WDR70: variants seen among roughly 807,000 people sequenced by gnomAD.
The protein encoded by WDR70 is WD repeat domain 70.
Under a neutral mutation model 88.6 loss-of-function variants are expected in WDR70, and 53 were observed. That is an observed-to-expected ratio of 0.60 (90% CI 0.48 to 0.75). WDR70 has a LOEUF of 0.75. WDR70 is among the 30% of genes least tolerant of loss of function. WDR70 has a pLI of 0.00. For synonymous variants in WDR70, 280 were observed against 270.0 expected (o/e 1.04, Z -0.36); for missense variants, 610 against 823.2 (o/e 0.74, Z 3.17).
At chr5:37,417,019 C>G (rs1749777295) in intron 5 of WDR70, among the ~76,000 whole-genome samples, 1 of 152,036 alleles carries the variant, frequency 6.6e-6, no homozygotes, top group Non-Finnish European at 1.5e-5. Context: ...TTGTTTCTGC[C>G]TCTGAGCAGT....
chr5:37,562,927 G>A (rs1469749685), intron 9 of WDR70, among the ~76,000 whole-genome samples: 26 of 150,754 alleles, frequency 1.7e-4, no homozygotes, highest in East Asian at 9.8e-4. Context: ...CAAAACTGCC[G>A]TTGTCATCAT....
chr5:37,697,568 C>T (rs527780117), intron 10 of WDR70, 87 bp from the exon 11 acceptor site: 40 of 1,051,322 alleles, frequency 3.8e-5, no homozygotes, highest in South Asian at 7.0e-5. Flanking sequence ...TTATTTTCAT[C>T]GTAATAAAGT....
intron 13 of WDR70, among the ~76,000 whole-genome samples, chr5:37,715,954 T>C (rs1030000999): frequency 1.3e-5 from 2 of 152,036 alleles, no homozygotes; most frequent in Non-Finnish European, 2.9e-5. Flanking sequence ...TCAAATGTGT[T>C]GGATAGTCCC....
At chr5:37,421,754 A>G (rs907888641) in intron 5 of WDR70, among the ~76,000 whole-genome samples, 2 of 152,026 alleles carry the variant, frequency 1.3e-5, no homozygotes, top group African/African-American at 4.8e-5. Context: ...CTTTGAGAAG[A>G]TGGTTCAGGT....
intron 7 of WDR70, among the ~76,000 whole-genome samples, chr5:37,457,898 T>C (rs1738894666): frequency 6.6e-6 from 1 of 151,708 alleles, no homozygotes; most frequent in South Asian, 2.1e-4. Context: ...ATCCCTGTCT[T>C]GTGCCAGTTT....
intron 13 of WDR70, among the ~76,000 whole-genome samples, chr5:37,716,569 G>A (rs570871142): frequency 1.7e-4 from 26 of 152,250 alleles, no homozygotes; most frequent in Middle Eastern, 3.4e-3. Context: ...GCTCCTCTAT[G>A]TGCGAGTTAT....
chr5:37,418,926 G>A (rs990742525), intron 5 of WDR70, among the ~76,000 whole-genome samples: 2 of 151,918 alleles, frequency 1.3e-5, no homozygotes, highest in African/African-American at 4.8e-5. Flanking sequence ...AACTCGCCTG[G>A]CTAATATTTG....
chr5:37,725,623 G>T (rs1347961530), intron 16 of WDR70, among the ~76,000 whole-genome samples: 5 of 151,930 alleles, frequency 3.3e-5, no homozygotes, highest in Admixed American at 1.3e-4. Flanking sequence ...GTTTCTATTT[G>T]GTCTGCTCCT....
chr5:37,437,817 C>T (rs1319591609), intron 5 of WDR70, 105 bp from the exon 6 acceptor site: 2 of 1,114,444 alleles, frequency 1.8e-6, no homozygotes, highest in Non-Finnish European at 2.5e-6. Flanking sequence ...TGTTTAAAAA[C>T]CAATGATGCA....
intron 12 of WDR70, among the ~76,000 whole-genome samples, chr5:37,701,827 G>A (rs1309546967): frequency 2.7e-5 from 4 of 150,828 alleles, no homozygotes; most frequent in African/African-American, 9.7e-5. Context: ...ATACCTTCAA[G>A]GCAGTTTTTA....
intron 17 of WDR70, among the ~76,000 whole-genome samples, chr5:37,746,137 C>G (rs529232564): frequency 6.6e-6 from 1 of 152,152 alleles, no homozygotes; most frequent in African/African-American, 2.4e-5. Context: ...AAAAACCACA[C>G]AATTTCATGG....
Position 37,438,509 on chromosome 5 carries a change from T to G in WDR70, c.552+528T>G, listed in dbSNP as rs188620254. Among the ~76,000 whole-genome samples the G allele has an allele frequency of 6.4e-4, 98 of 152,256 alleles. 1 individual carries two copies. The highest frequency in any genetic ancestry group is 3.5e-3 in the Admixed American group (53 of 15,296). On this transcript the variant is annotated intron_variant, in intron 6 of 17. Transcript: ENST00000265107. Reference sequence around the variant, plus strand: ...TTAAAGATGAATAATATAGAATATTTGAGATGTAAGGTGAAATCATTGTAT... The same window carrying G: ...TTAAAGATGAATAATATAGAATATTGGAGATGTAAGGTGAAATCATTGTAT...
intron 10 of WDR70, among the ~76,000 whole-genome samples, chr5:37,618,426 T>C (rs1744407682): frequency 1.3e-5 from 2 of 152,164 alleles, no homozygotes; most frequent in Non-Finnish European, 2.9e-5. Context: ...TGGAGTGCAG[T>C]GGCTCAGTTT....
intron 10 of WDR70, among the ~76,000 whole-genome samples, chr5:37,678,640 C>G (rs936179113): frequency 1.9e-4 from 29 of 152,162 alleles, no homozygotes; most frequent in African/African-American, 6.8e-4. Context: ...GGTAACCCAA[C>G]CTTTCTCTCT....
intron 9 of WDR70, among the ~76,000 whole-genome samples, chr5:37,540,653 A>G (rs1488216339): frequency 6.6e-6 from 1 of 152,190 alleles, no homozygotes; most frequent in African/African-American, 2.4e-5. Context: ...GTGCTGGGAT[A>G]ACAGGCGTGA....
At chr5:37,652,499 G>A (rs1353527406) in intron 10 of WDR70, among the ~76,000 whole-genome samples, 1 of 152,124 alleles carries the variant, frequency 6.6e-6, no homozygotes, top group Non-Finnish European at 1.5e-5. Flanking sequence ...AGCTTGATGG[G>A]GATAGCATTG....
At chr5:37,739,790 C>T (rs1748419599) in intron 17 of WDR70, among the ~76,000 whole-genome samples, 1 of 152,064 alleles carries the variant, frequency 6.6e-6, no homozygotes, top group Non-Finnish European at 1.5e-5. Flanking sequence ...GCTATCCCTC[C>T]CCCAGCCCCC....
chr5:37,563,008 T>G (rs1402472718), intron 9 of WDR70, among the ~76,000 whole-genome samples: 2 of 135,854 alleles, frequency 1.5e-5, no homozygotes, highest in African/African-American at 2.6e-5. Flanking sequence ...GGCTCCTCAC[T>G]TCCCAGTAGG....
Position 37,436,031 on chromosome 5 carries a change from A to G in WDR70, c.493-1891A>G, listed in dbSNP as rs559627925. Among the ~76,000 whole-genome samples the G allele has an allele frequency of 9.4e-4, 143 of 152,208 alleles. 2 individuals carry two copies. In the South Asian group the frequency reaches 0.02, roughly 21 times the overall value. Reference sequence around the variant, plus strand: ...ACAATGTATTATCGTAAGTTCTGTGACTGAGATAAGGAAATGCCATAGAAA... The same window carrying G: ...ACAATGTATTATCGTAAGTTCTGTGGCTGAGATAAGGAAATGCCATAGAAA... On this transcript the variant is annotated intron_variant, in intron 5 of 17. Coordinates refer to ENST00000265107, the MANE Select transcript of WDR70 (RefSeq NM_018034.4).
Sources: gnomAD v4.1 joint callset for allele counts (sites outside exome capture counted in the v4.1 genomes callset) on GRCh38, gnomAD v4.1.1 for gene constraint, MANE v1.5 for transcripts, NCBI Gene and HGNC (gene_info 2026-07-23, HGNC 2026-07-21) for gene names.